The following SSU72 variants were observed in gnomAD, a reference collection of about 807,000 sequenced individuals.
SSU72 encodes the protein SSU72 homolog, RNA polymerase II CTD phosphatase.
A neutral mutation model predicts 22.7 loss-of-function variants in SSU72; 12 were observed. The ratio of observed to expected loss-of-function variants is 0.53; its 90% CI spans 0.34 to 0.86. The LOEUF is 0.86. Among genes scored for constraint, SSU72 ranks in the 40% least tolerant of loss-of-function variants. SSU72 has a pLI of 0.02. For missense variants in SSU72, 151 were observed against 249.8 expected (o/e 0.60, Z 2.67); for synonymous variants, 116 against 98.3 (o/e 1.18, Z -1.06).
chr1:1,555,572 C>T (rs969698972), intron 2 of SSU72, among the ~76,000 whole-genome samples: 2 of 152,202 alleles, frequency 1.3e-5, no homozygotes, highest in Non-Finnish European at 2.9e-5. Flanking sequence ...CAGAAGGGCA[C>T]GGTGAGAAGA....
chr1:1,545,794 AC>A (rs199689157), intron 2 of SSU72: 1,929 of 150,954 alleles, frequency 0.013, 41 homozygotes, highest in African/African-American at 0.042. Context: ...AGAAAAAAAA[AC>A]AGAAGGTTCA....
At chr1:1,570,618 T>C (rs540705170) in intron 1 of SSU72, among the ~76,000 whole-genome samples, 36 of 152,048 alleles carry the variant, frequency 2.4e-4, no homozygotes, top group South Asian at 1.0e-3. Context: ...TTGACTGGGG[T>C]ATTATAGAAA....
rs983864046 is a variant in SSU72, at chr1:1,554,056, A to C, written c.225-9054T>G. On this transcript the variant is annotated intron_variant, in intron 2 of 4. Transcript: ENST00000291386. This position sits in a 1 kb window ranked among gnomAD's most constrained non-coding sequence, Gnocchi z 4.1. Reference sequence around the variant, plus strand: ...CAGGTGGCCACGGAGACCACGTGTCAGTGGCCAGGGCCTCTAAAGAGAAAC... The same window carrying C: ...CAGGTGGCCACGGAGACCACGTGTCCGTGGCCAGGGCCTCTAAAGAGAAAC... 6.6e-6 allele frequency among the ~76,000 whole-genome samples: 1 copy of C among 152,214 alleles called. No individual in the cohort carries two copies. The highest frequency in any genetic ancestry group is 1.5e-5 in the Non-Finnish European group (1 of 68,032).
chr1:1,543,623 C>T (rs544848084), intron 4 of SSU72, among the ~76,000 whole-genome samples: 2 of 152,032 alleles, frequency 1.3e-5, no homozygotes, highest in Non-Finnish European at 2.9e-5. Flanking sequence ...CTCGGCCACT[C>T]CCCACTGTCA....
chr1:1,570,353 G>C (rs1389862968), intron 1 of SSU72, among the ~76,000 whole-genome samples: 1 of 151,184 alleles, frequency 6.6e-6, no homozygotes, highest in Non-Finnish European at 1.5e-5. Flanking sequence ...GGCCAAGCTA[G>C]AAAACCGAGA....
chr1:1,546,984 C>T (rs762760260), intron 2 of SSU72, among the ~76,000 whole-genome samples: 10 of 151,530 alleles, frequency 6.6e-5, no homozygotes, highest in East Asian at 3.9e-4. Context: ...GAGCTGAGAT[C>T]GTGACACTGC....
intron 2 of SSU72, among the ~76,000 whole-genome samples, chr1:1,558,178 G>GCAA (rs1419004675): frequency 2.0e-5 from 3 of 148,906 alleles, no homozygotes; most frequent in Non-Finnish European, 4.4e-5. Flanking sequence ...TCCAGCCTGG[G>GCAA]CAACAGAGTG....
At chr1:1,568,975 C>T (rs1209255516) in intron 1 of SSU72, among the ~76,000 whole-genome samples, 1 of 151,884 alleles carries the variant, frequency 6.6e-6, no homozygotes, top group African/African-American at 2.4e-5. Flanking sequence ...AGGTTGAGAC[C>T]AGCCTGGCCA....
At chr1:1,546,488 A>T (rs1000515570) in intron 2 of SSU72, 1 of 152,226 alleles carries the variant, frequency 6.6e-6, no homozygotes, top group Non-Finnish European at 1.5e-5. Flanking sequence ...TGAGAATCAA[A>T]GTCTGCGGAA....
At position 1,554,580 on chromosome 1, in the gene SSU72, G is replaced by A. The variant is rs1438966093; in HGVS notation, c.225-9578C>T. Among the ~76,000 whole-genome samples, 1 of 152,134 alleles carries A rather than the reference G, an allele frequency of 6.6e-6. No homozygotes were observed. Among genetic ancestry groups the A allele is most frequent in the Non-Finnish European group, 1.5e-5 (1 of 68,018 alleles). Reference sequence around the variant, plus strand: ...CTTAGTGGGACCAGAACATCCCGGGGAGTTAGAATGAGCGCAGCTGCCCAT... The same window carrying A: ...CTTAGTGGGACCAGAACATCCCGGGAAGTTAGAATGAGCGCAGCTGCCCAT... On this transcript the variant is annotated intron_variant, in intron 2 of 4. Transcript: ENST00000291386. This position sits in a 1 kb window ranked among gnomAD's most constrained non-coding sequence, Gnocchi z 4.1.
intron 1 of SSU72, among the ~76,000 whole-genome samples, chr1:1,572,107 T>C (rs1268114607): frequency 6.7e-6 from 1 of 150,102 alleles, no homozygotes; most frequent in African/African-American, 2.4e-5. Context: ...AAATAGAATT[T>C]TTAAAACATT....
chr1:1,558,886 C>G (rs1306842232), intron 2 of SSU72, among the ~76,000 whole-genome samples: 3 of 152,230 alleles, frequency 2.0e-5, no homozygotes, highest in Non-Finnish European at 4.4e-5. Context: ...AACTTAGAAA[C>G]AGAAGTCACT....
At chr1:1,565,578 C>T (rs866358152) in intron 1 of SSU72, among the ~76,000 whole-genome samples, 2 of 58,988 alleles carry the variant, frequency 3.4e-5, no homozygotes, top group African/African-American at 2.3e-4. Flanking sequence ...TCCAACTGCC[C>T]GCTCCACCAC....
chr1:1,549,425 G>A, intron 2 of SSU72, among the ~76,000 whole-genome samples: 1 of 151,990 alleles, frequency 6.6e-6, no homozygotes, highest in Non-Finnish European at 1.5e-5. Context: ...GGAGGCTGAG[G>A]CGGGAGAATG....
intron 1 of SSU72, among the ~76,000 whole-genome samples, chr1:1,566,731 A>T (rs1051932835): frequency 2.4e-4 from 36 of 151,892 alleles, no homozygotes; most frequent in African/African-American, 8.7e-4. Flanking sequence ...GGGCGCTTTT[A>T]TAGTCCCAGC....
intron 2 of SSU72, among the ~76,000 whole-genome samples, chr1:1,552,470 A>C (rs1642465640): frequency 6.6e-6 from 1 of 152,224 alleles, no homozygotes; most frequent in African/African-American, 2.4e-5. Context: ...TGTGACTGAC[A>C]GCACCTTCTA....
rs374843066 is a variant in SSU72 at position 1,574,655 on chromosome 1, G to T, written c.-98C>A. 6.0e-5 allele frequency: 76 copies of T among 1,267,620 alleles called. No individual in the cohort carries two copies. Among genetic ancestry groups the T allele is most frequent in the Admixed American group, 3.9e-4 (13 of 33,546 alleles). The allele number at this position is 1,267,620 out of a possible 1,614,324, so 78.5% of individuals were successfully genotyped here. A position where few individuals can be genotyped will look rare whatever the true frequency, so the allele number is the denominator to read the frequency against. ...ATGGCGGCCGCGGTGGCCGGAAGCG[G>T]GCGACGCGAAACGACGGCGCCGGCG... On this transcript the variant is annotated 5_prime_UTR_variant, in exon 1 of 5. Coordinates refer to ENST00000291386, the MANE Select transcript of SSU72 (RefSeq NM_014188.3).
intron 2 of SSU72, chr1:1,561,909 C>T (rs1481543862): frequency 6.6e-6 from 1 of 152,450 alleles, no homozygotes; most frequent in East Asian, 1.9e-4. Flanking sequence ...CAGCGCCACC[C>T]CTGCTGCCAC....
rs572498898 is a variant in SSU72, at chr1:1,559,241, C to T, written c.224+5532G>A. On this transcript the variant is annotated intron_variant, in intron 2 of 4. Transcript: ENST00000291386. The stretch of plus-strand genomic sequence containing the variant: ...GTGTGGAATGAGCAGACCTGTAGCA[C>T]GGGAAGCAGCTAAACTGGACGGTGT... Among the ~76,000 whole-genome samples the T allele has an allele frequency of 1.2e-4, 18 of 152,240 alleles. No individual in the cohort carries two copies. In the East Asian group the frequency reaches 3.5e-3, roughly 29 times the overall value.
Sources: allele counts gnomAD v4.1 joint callset (sites outside exome capture counted in the v4.1 genomes callset), GRCh38; gene constraint gnomAD v4.1.1; non-coding constraint Gnocchi (gnomAD v3.1); transcripts MANE v1.5; gene names NCBI Gene and HGNC (gene_info 2026-07-23, HGNC 2026-07-21).